Variants in CNTNAP5 observed in about 807,000 individuals in gnomAD.
CNTNAP5 encodes the protein contactin-associated protein-like 5.
Under a neutral mutation model 150.2 loss-of-function variants are expected in CNTNAP5, and 72 were observed. The observed-to-expected ratio is 0.48, with a 90% CI of 0.40 to 0.58. The LOEUF is 0.58. Ranked by LOEUF, CNTNAP5 falls within the 20% of genes least tolerant of loss-of-function variation. The pLI is 0.00. For missense variants in CNTNAP5, 1,636 were observed against 1,626.2 expected (o/e 1.01, Z -0.10); for synonymous variants, 672 against 619.8 (o/e 1.08, Z -1.25).
chr2:124,812,069 A>ATTTATATTTATATATATTAT (rs1261586263), intron 19 of CNTNAP5, among the ~76,000 whole-genome samples: 2 of 3,376 alleles, frequency 5.9e-4, no homozygotes, highest in African/African-American at 1.1e-3. Context: ...TATAATATAT[A>ATTTATATTTATATATATTAT]ATTTATATTT....
chr2:124,340,813 A>G (rs1030956262), intron 3 of CNTNAP5, among the ~76,000 whole-genome samples: 2 of 146,046 alleles, frequency 1.4e-5, no homozygotes, highest in African/African-American at 2.6e-5. Context: ...ATACATGTAT[A>G]TATATATATA....
intron 1 of CNTNAP5, among the ~76,000 whole-genome samples, chr2:124,150,269 G>A (rs1404591249): frequency 1.3e-5 from 2 of 152,160 alleles, no homozygotes; most frequent in South Asian, 2.1e-4. Flanking sequence ...TTGAAATGCA[G>A]CAACATATAG....
intron 3 of CNTNAP5, among the ~76,000 whole-genome samples, chr2:124,355,784 A>C (rs529734828): frequency 7.2e-5 from 11 of 152,274 alleles, no homozygotes; most frequent in Middle Eastern, 3.4e-3. Context: ...AAAGTTGGAC[A>C]TTTGTAATTT....
chr2:124,776,518 C>A (rs752375003), intron 17 of CNTNAP5, among the ~76,000 whole-genome samples: 10 of 152,170 alleles, frequency 6.6e-5, no homozygotes, highest in Non-Finnish European at 1.5e-4. Context: ...GCTTGGCGTG[C>A]ACATGTTTAT....
intron 19 of CNTNAP5, among the ~76,000 whole-genome samples, chr2:124,828,284 A>C (rs1452560122): frequency 1.3e-5 from 2 of 152,138 alleles, no homozygotes; most frequent in African/African-American, 2.4e-5. Flanking sequence ...GATCAAGACC[A>C]TCCTGGTTAA....
chr2:124,913,842 A>G (rs965571831), intron 23 of CNTNAP5, among the ~76,000 whole-genome samples: 1 of 152,060 alleles, frequency 6.6e-6, no homozygotes, highest in African/African-American at 2.4e-5. Context: ...TCAGTTCTTT[A>G]AACAAAACCT....
intron 1 of CNTNAP5, among the ~76,000 whole-genome samples, chr2:124,167,998 A>C (rs2104659018): frequency 6.6e-6 from 1 of 152,270 alleles, no homozygotes; most frequent in Admixed American, 6.5e-5. Flanking sequence ...ATTTTTCTGG[A>C]TGTATGACCC....
Position 124,486,642 on chromosome 2 carries a change from G to A in CNTNAP5, c.1062+11760G>A, listed in dbSNP as rs533461080. Among the ~76,000 whole-genome samples, 3 of 152,200 alleles carry A rather than the reference G, an allele frequency of 2.0e-5. No individual in the cohort carries two copies. The South Asian group carries it at 6.2e-4, about 32-fold the overall frequency. ...AACAAGGAGACATACACATATTCAC[G>A]GTTTCATATGTCACCTGATCACAGT... On this transcript the variant is annotated intron_variant, in intron 7 of 23. Coordinates refer to ENST00000682447, the MANE Select transcript of CNTNAP5 (RefSeq NM_001367498.1).
chr2:124,705,048 C>T (rs77261496), intron 13 of CNTNAP5, among the ~76,000 whole-genome samples: 24,672 of 151,936 alleles, frequency 0.16, 2,267 homozygotes, highest in East Asian at 0.24. Flanking sequence ...TTAGTACTTT[C>T]CACTTAATTG....
intron 1 of CNTNAP5, among the ~76,000 whole-genome samples, chr2:124,119,220 T>C (rs1331011296): frequency 1.3e-5 from 2 of 152,212 alleles, no homozygotes; most frequent in Non-Finnish European, 1.5e-5. Flanking sequence ...ACTGCTTCAT[T>C]GTCCTCTTGG....
chr2:124,262,656 T>C (rs547615475), intron 3 of CNTNAP5, among the ~76,000 whole-genome samples: 1 of 152,246 alleles, frequency 6.6e-6, no homozygotes, highest in East Asian at 1.9e-4. Flanking sequence ...ATTCTGTTTT[T>C]TTTTTTTTAA....
intron 10 of CNTNAP5, among the ~76,000 whole-genome samples, chr2:124,552,280 G>A (rs1026098106): frequency 2.6e-5 from 4 of 152,142 alleles, no homozygotes; most frequent in Admixed American, 1.3e-4. Flanking sequence ...TCTGGAACTC[G>A]CTGAGTCTCA....
intron 21 of CNTNAP5, among the ~76,000 whole-genome samples, chr2:124,884,626 G>T (rs1678041290): frequency 6.6e-6 from 1 of 151,870 alleles, no homozygotes; most frequent in African/African-American, 2.4e-5. Context: ...CTTGGGACAG[G>T]CACATTTCCT....
intron 10 of CNTNAP5, among the ~76,000 whole-genome samples, chr2:124,531,128 G>A (rs909984461): frequency 1.3e-5 from 2 of 151,934 alleles, no homozygotes; most frequent in Non-Finnish European, 1.5e-5. Flanking sequence ...GAGGGTGATC[G>A]AAGACAGTGA....
At position 124,343,946 on chromosome 2, in the gene CNTNAP5, A is replaced by C. The variant is rs189550613; in HGVS notation, c.382-73497A>C. Among the ~76,000 whole-genome samples, 9 of 152,306 alleles carry C rather than the reference A, an allele frequency of 5.9e-5. No individual in the cohort carries two copies. In the East Asian group the frequency reaches 1.7e-3, roughly 29 times the overall value. On this transcript the variant is annotated intron_variant, in intron 3 of 23. Transcript: ENST00000682447. Reference sequence around the variant, plus strand: ...GTGCGAAGAGGCCAAACCTGTGAGCAGTCTGGCTTTATACTAACCGGTTCT... The same window carrying C: ...GTGCGAAGAGGCCAAACCTGTGAGCCGTCTGGCTTTATACTAACCGGTTCT...
At chr2:124,809,443 C>T (rs1338225686) in intron 19 of CNTNAP5, among the ~76,000 whole-genome samples, 1 of 151,364 alleles carries the variant, frequency 6.6e-6, no homozygotes, top group East Asian at 1.9e-4. Flanking sequence ...GAGTCTCTCT[C>T]TCGCCCAGGC....
At chr2:124,568,045 C>T (rs1696073053) in intron 11 of CNTNAP5, among the ~76,000 whole-genome samples, 2 of 152,140 alleles carry the variant, frequency 1.3e-5, no homozygotes, top group South Asian at 4.1e-4. Flanking sequence ...CCAAGAGAAT[C>T]TGCGTGTTGA....
At chr2:124,529,045 G>A (rs1013275763) in intron 10 of CNTNAP5, among the ~76,000 whole-genome samples, 11 of 151,190 alleles carry the variant, frequency 7.3e-5, no homozygotes, top group African/African-American at 2.7e-4. Context: ...AGATTTTCTG[G>A]CTCTTCTGCT....
At chr2:124,710,114 G>GA (rs70999208) in intron 13 of CNTNAP5, among the ~76,000 whole-genome samples, 31,002 of 151,918 alleles carry the variant, frequency 0.2, 3,251 homozygotes, top group East Asian at 0.24. Context: ...TGTTTATGCC[G>GA]AGATGATGGT....
Sources: gnomAD v4.1 joint callset for allele counts (sites outside exome capture counted in the v4.1 genomes callset) on GRCh38, gnomAD v4.1.1 for gene constraint, MANE v1.5 for transcripts, NCBI Gene and HGNC (gene_info 2026-07-23, HGNC 2026-07-21) for gene names.